The following CSMD1 variants were observed in gnomAD, a reference collection of about 807,000 sequenced individuals.
CSMD1 encodes CUB and sushi domain-containing protein 1.
Under a neutral mutation model 417.5 loss-of-function variants are expected in CSMD1, and 213 were observed. The observed-to-expected ratio is 0.51, with a 90% CI of 0.46 to 0.57. The LOEUF (loss-of-function observed/expected upper bound fraction) is 0.57. Among genes scored for constraint, CSMD1 ranks in the 20% least tolerant of loss-of-function variants. The pLI, the probability that CSMD1 is intolerant of heterozygous loss-of-function variation, is 0.00. For synonymous variants in CSMD1, 2,862 were observed against 1,736.8 expected (o/e 1.65, Z -16.11); for missense variants, 6,923 against 4,529.7 (o/e 1.53, Z -15.17).
intron 3 of CSMD1, among the ~76,000 whole-genome samples, chr8:4,209,033 C>G (rs1278370733): frequency 6.6e-6 from 1 of 152,138 alleles, no homozygotes; most frequent in South Asian, 2.1e-4. Context: ...CAATTGTATT[C>G]TCTCCTGTCT....
chr8:3,708,621 T>C (rs1400700974), intron 6 of CSMD1, 130 bp from the exon 7 acceptor site: 2 of 712,652 alleles, frequency 2.8e-6, no homozygotes. Flanking sequence ...TTCTAAGAGG[T>C]GAATGATACC....
At chr8:3,177,861 C>G (rs1484026857) in intron 37 of CSMD1, among the ~76,000 whole-genome samples, 1 of 147,998 alleles carries the variant, frequency 6.8e-6, no homozygotes, top group Non-Finnish European at 1.5e-5. Flanking sequence ...ACCGTTCACA[C>G]AGTTGCACTC....
chr8:4,226,898 G>C (rs542744729), intron 3 of CSMD1, among the ~76,000 whole-genome samples: 47 of 152,274 alleles, frequency 3.1e-4, no homozygotes, highest in African/African-American at 1.1e-3. Flanking sequence ...TGAACGTAAA[G>C]GATTTTTTGT....
chr8:3,932,216 G>T (rs1437815493), intron 5 of CSMD1, among the ~76,000 whole-genome samples: 1 of 150,442 alleles, frequency 6.6e-6, no homozygotes, highest in African/African-American at 2.5e-5. Context: ...CCCATATCAT[G>T]TTACTGAAAA....
intron 1 of CSMD1, chr8:4,787,256 C>T: frequency 1.8e-6 from 1 of 556,688 alleles, no homozygotes; most frequent in Non-Finnish European, 3.3e-6. Context: ...CCCAGAGATG[C>T]TCTCTGATCA....
At chr8:3,473,739 G>A (rs1400738758) in intron 11 of CSMD1, among the ~76,000 whole-genome samples, 1 of 152,166 alleles carries the variant, frequency 6.6e-6, no homozygotes, top group Non-Finnish European at 1.5e-5. Context: ...TAGCAGGGGT[G>A]GTGTCTGTAT....
At chr8:4,113,716 A>C (rs1004406077) in intron 3 of CSMD1, among the ~76,000 whole-genome samples, 1 of 152,168 alleles carries the variant, frequency 6.6e-6, no homozygotes, top group Non-Finnish European at 1.5e-5. Context: ...TGCTACTCTT[A>C]TAAGTGCATG....
intron 5 of CSMD1, among the ~76,000 whole-genome samples, chr8:3,811,579 C>G (rs1005569926): frequency 2.6e-5 from 4 of 152,102 alleles, no homozygotes; most frequent in African/African-American, 9.7e-5. Flanking sequence ...TCGGTCAAGG[C>G]CATCATGGGA....
chr8:3,317,901 A>G lies in CSMD1; in HGVS notation c.3632-9398T>C, dbSNP rs1805881231. On this transcript the variant is annotated intron_variant, in intron 23 of 69. Transcript: ENST00000635120. ...TCTTGGCTCACTACAGCCTTGACCT[A>G]GCAGGCTCAAGCGATCCTCCCACCT... Among the ~76,000 whole-genome samples the G allele has an allele frequency of 2.0e-5, 3 of 152,226 alleles. No homozygotes were observed. In the East Asian group the frequency reaches 5.8e-4, roughly 29 times the overall value.
intron 3 of CSMD1, among the ~76,000 whole-genome samples, chr8:4,325,582 A>T (rs1799514289): frequency 6.6e-6 from 1 of 152,170 alleles, no homozygotes; most frequent in Non-Finnish European, 1.5e-5. Flanking sequence ...CGGTGAGGTA[A>T]GAATTATTAT....
At chr8:4,445,851 G>A (rs1002406547) in intron 2 of CSMD1, among the ~76,000 whole-genome samples, 1 of 152,222 alleles carries the variant, frequency 6.6e-6, no homozygotes, top group Admixed American at 6.5e-5. Flanking sequence ...CATCTTCAAT[G>A]CAGAAGTGTT....
At chr8:3,012,063 AGAACTCT>A (rs1489281801) in intron 52 of CSMD1, among the ~76,000 whole-genome samples, 10 of 152,342 alleles carry the variant, frequency 6.6e-5, no homozygotes, top group East Asian at 3.9e-4. Context: ...GGCAATTTAC[AGAACTCT>A]GAACTCTGGG....
intron 51 of CSMD1, 51 bp from the exon 52 acceptor site, chr8:3,018,701 C>T: frequency 6.7e-7 from 1 of 1,492,356 alleles, no homozygotes; most frequent in Non-Finnish European, 9.1e-7. Context: ...GCAGATTACT[C>T]CTGTGCTCCA....
In CSMD1 at chr8:4,441,270, T is replaced by G. The variant is rs972742380; in HGVS notation, c.303-21205A>C. Among the ~76,000 whole-genome samples, 566 of 139,944 alleles carry G rather than the reference T, an allele frequency of 4.0e-3. 10 individuals carry two copies. The highest frequency in any genetic ancestry group is 0.014 in the African/African-American group (546 of 38,424). The allele number at this position is 139,944 out of a possible 152,430, so 91.8% of individuals were successfully genotyped here. A position where few individuals can be genotyped will look rare whatever the true frequency, so the allele number is the denominator to read the frequency against. The stretch of plus-strand genomic sequence containing the variant: ...TGAGCACTACACTCAGTTTTTTTTT[T>G]TTTTTTTTTTTTGGTGGGGGGAGTA... On this transcript the variant is annotated intron_variant, in intron 2 of 69. Coordinates refer to ENST00000635120, the MANE Select transcript of CSMD1 (RefSeq NM_033225.6).
intron 3 of CSMD1, among the ~76,000 whole-genome samples, chr8:4,142,338 A>C (rs994693910): frequency 6.6e-6 from 1 of 151,060 alleles, no homozygotes; most frequent in Non-Finnish European, 1.5e-5. Context: ...AGCCTACTCT[A>C]CGAGGTTATG....
chr8:3,888,672 G>C (rs1415233884), intron 5 of CSMD1, among the ~76,000 whole-genome samples: 1 of 152,128 alleles, frequency 6.6e-6, no homozygotes, highest in Non-Finnish European at 1.5e-5. Flanking sequence ...ATTGTGCACT[G>C]AGAGAGAAAG....
intron 2 of CSMD1, among the ~76,000 whole-genome samples, chr8:4,444,039 T>G (rs1798635900): frequency 6.6e-6 from 1 of 151,990 alleles, no homozygotes; most frequent in African/African-American, 2.4e-5. Flanking sequence ...ACACTATCTT[T>G]GAGAAGAGTA....
intron 52 of CSMD1, among the ~76,000 whole-genome samples, chr8:3,015,463 C>G (rs560549777): frequency 1.1e-4 from 16 of 151,782 alleles, no homozygotes; most frequent in African/African-American, 3.6e-4. Context: ...AGAGTTGAAG[C>G]CATGATTATA....
At chr8:4,077,437 T>A (rs887701743) in intron 3 of CSMD1, among the ~76,000 whole-genome samples, 1 of 151,722 alleles carries the variant, frequency 6.6e-6, no homozygotes, top group Non-Finnish European at 1.5e-5. Context: ...ATAATTAATT[T>A]GAGTATCCTA....
Sources: allele counts gnomAD v4.1 joint callset (sites outside exome capture counted in the v4.1 genomes callset), GRCh38; gene constraint gnomAD v4.1.1; transcripts MANE v1.5; gene names NCBI Gene and HGNC (gene_info 2026-07-23, HGNC 2026-07-21).